DOCK4: variants seen among roughly 807,000 people sequenced by gnomAD.
DOCK4 encodes dedicator of cytokinesis protein 4.
In DOCK4, 97 loss-of-function variants were observed where a neutral mutation model predicts 268.1. That is an observed-to-expected ratio of 0.36 (90% CI 0.31 to 0.43). DOCK4 has a LOEUF of 0.43. Among genes scored for constraint, DOCK4 ranks in the 20% least tolerant of loss-of-function variants. The pLI, the probability that DOCK4 is intolerant of heterozygous loss-of-function variation, is 1.00. For synonymous variants in DOCK4, 954 were observed against 887.2 expected (o/e 1.08, Z -1.34); for missense variants, 2,145 against 2,455.7 (o/e 0.87, Z 2.67).
intron 25 of DOCK4, 91 bp from the exon 26 acceptor site, chr7:111,834,777 A>G: frequency 2.5e-6 from 2 of 809,656 alleles, no homozygotes; most frequent in Non-Finnish European, 3.7e-6. Flanking sequence ...CTCAAAGAGA[A>G]TAGGTTAAAA....
At chr7:111,905,864 T>C (rs931698322) in intron 13 of DOCK4, among the ~76,000 whole-genome samples, 1 of 152,188 alleles carries the variant, frequency 6.6e-6, no homozygotes, top group African/African-American at 2.4e-5. Flanking sequence ...TTGTTAATGA[T>C]GATGGCAGTA....
chr7:112,013,602 C>T (rs1002362131), intron 1 of DOCK4, among the ~76,000 whole-genome samples: 1 of 152,210 alleles, frequency 6.6e-6, no homozygotes, highest in African/African-American at 2.4e-5. Flanking sequence ...GACATGTGGG[C>T]CTCTTACTCC....
intron 1 of DOCK4, among the ~76,000 whole-genome samples, chr7:112,109,984 TCCGC>T (rs1811502946): frequency 6.6e-6 from 1 of 151,818 alleles, no homozygotes; most frequent in Non-Finnish European, 1.5e-5. Context: ...GACCTCGTGA[TCCGC>T]CCGCCTCGGC....
chr7:112,107,051 A>G (rs1811198954), intron 1 of DOCK4, among the ~76,000 whole-genome samples: 1 of 152,246 alleles, frequency 6.6e-6, no homozygotes, highest in Non-Finnish European at 1.5e-5. Flanking sequence ...GATTTAATCA[A>G]AATTAACTTC....
intron 37 of DOCK4, among the ~76,000 whole-genome samples, chr7:111,767,533 A>G (rs1169203755): frequency 1.3e-5 from 2 of 152,070 alleles, no homozygotes; most frequent in South Asian, 4.1e-4. Context: ...CCACTTCTTA[A>G]TCTTTATAAA....
chr7:112,002,790 C>T (rs1800532113), intron 2 of DOCK4, among the ~76,000 whole-genome samples: 1 of 152,136 alleles, frequency 6.6e-6, no homozygotes, highest in East Asian at 1.9e-4. Context: ...TGGCTCACAC[C>T]TCTAATCGCA....
chr7:112,197,330 C>T (rs1820538829), intron 1 of DOCK4, among the ~76,000 whole-genome samples: 1 of 150,260 alleles, frequency 6.7e-6, no homozygotes, highest in African/African-American at 2.4e-5. Context: ...AAATCTATTG[C>T]TTTATATATT....
Position 111,896,324 on chromosome 7 carries a change from C to T in DOCK4, c.1481-606G>A, listed in dbSNP as rs145963931. On this transcript the variant is annotated intron_variant, in intron 15 of 52. Transcript: ENST00000428084. Reference sequence around the variant, plus strand: ...AACAAGAGCTCACTACTCTGGAAGCCGGAAATGAGGCGATGAGGTTTTCAG... The same window carrying T: ...AACAAGAGCTCACTACTCTGGAAGCTGGAAATGAGGCGATGAGGTTTTCAG... 2.0e-3 allele frequency among the ~76,000 whole-genome samples: 309 copies of T among 152,034 alleles called. 2 individuals are homozygous for T. Among genetic ancestry groups the T allele is most frequent in the African/African-American group, 7.1e-3 (296 of 41,490 alleles).
chr7:111,932,021 G>T (rs1417786258), intron 12 of DOCK4, among the ~76,000 whole-genome samples: 1 of 152,138 alleles, frequency 6.6e-6, no homozygotes, highest in Non-Finnish European at 1.5e-5. Context: ...TTTAACGCAG[G>T]CCTTAAGGAT....
chr7:112,105,175 A>G (rs1283152091), intron 1 of DOCK4, among the ~76,000 whole-genome samples: 4 of 152,178 alleles, frequency 2.6e-5, no homozygotes, highest in Admixed American at 1.3e-4. Flanking sequence ...TGTTTAGGGT[A>G]ACTCATAGAG....
At chr7:112,018,556 C>G (rs1351910414) in intron 1 of DOCK4, among the ~76,000 whole-genome samples, 1 of 152,180 alleles carries the variant, frequency 6.6e-6, no homozygotes, top group Non-Finnish European at 1.5e-5. Context: ...CTTTCCATAA[C>G]TTTCTTCTCA....
At chr7:111,912,377 T>G (rs1196416628) in intron 13 of DOCK4, among the ~76,000 whole-genome samples, 4 of 152,208 alleles carry the variant, frequency 2.6e-5, no homozygotes, top group Non-Finnish European at 4.4e-5. Context: ...CTACTTAGTA[T>G]GCTATTCGTC....
At chr7:111,989,229 A>G (rs917804110) in intron 5 of DOCK4, 66 bp from the exon 6 acceptor site, 1 of 1,583,350 alleles carries the variant, frequency 6.3e-7, no homozygotes, top group Admixed American at 1.7e-5. Context: ...GGTAACCAAA[A>G]AGGAAAGGGA....
chr7:111,750,783 A>G (rs1796585110), intron 42 of DOCK4, among the ~76,000 whole-genome samples: 1 of 152,236 alleles, frequency 6.6e-6, no homozygotes, highest in African/African-American at 2.4e-5. Context: ...CTCAGGAGCC[A>G]TTTTGAAGAT....
rs183303718 is a variant in DOCK4 at position 111,913,211 on chromosome 7, C to T, written c.1192+2568G>A. 2.7e-4 allele frequency among the ~76,000 whole-genome samples: 41 copies of T among 151,756 alleles called. 2 individuals are homozygous for T. In the East Asian group the frequency reaches 7.1e-3, roughly 26 times the overall value. On this transcript the variant is annotated intron_variant, in intron 13 of 52. Coordinates refer to ENST00000428084, the MANE Select transcript of DOCK4 (RefSeq NM_001363540.2). Reference sequence around the variant, plus strand: ...AACTCCTGACCTCAGGTGATCTACCCGCCTCAGCCTCAGTGCTGGGATTAC... The same window carrying T: ...AACTCCTGACCTCAGGTGATCTACCTGCCTCAGCCTCAGTGCTGGGATTAC...
intron 12 of DOCK4, among the ~76,000 whole-genome samples, chr7:111,935,065 A>G (rs990991831): frequency 9.6e-5 from 14 of 146,322 alleles, no homozygotes; most frequent in African/African-American, 3.6e-4. Context: ...TCCTTTCTCA[A>G]CCTCCCGAGT....
At chr7:111,806,905 A>C (rs1800716585) in intron 30 of DOCK4, among the ~76,000 whole-genome samples, 1 of 152,218 alleles carries the variant, frequency 6.6e-6, no homozygotes, top group Non-Finnish European at 1.5e-5. Context: ...TAACATAAAA[A>C]CCAGAGAGGC....
chr7:112,100,187 T>C (rs552697415), intron 1 of DOCK4, among the ~76,000 whole-genome samples: 2 of 152,182 alleles, frequency 1.3e-5, no homozygotes, highest in Non-Finnish European at 2.9e-5. Flanking sequence ...TTTGATACAG[T>C]TGAGGTATTA....
chr7:111,822,606 G>A (rs1415890077), intron 26 of DOCK4, 150 bp from the exon 27 acceptor site: 2 of 677,630 alleles, frequency 3.0e-6, no homozygotes, highest in African/African-American at 1.8e-5. Flanking sequence ...CCCAAGGGAA[G>A]GAGTCATGAC....
Sources: allele counts gnomAD v4.1 joint callset (sites outside exome capture counted in the v4.1 genomes callset), GRCh38; gene constraint gnomAD v4.1.1; transcripts MANE v1.5; gene names NCBI Gene and HGNC (gene_info 2026-07-23, HGNC 2026-07-21).